SMC5: variants seen among roughly 807,000 people sequenced by gnomAD.
The protein encoded by SMC5 is structural maintenance of chromosomes protein 5.
A neutral mutation model predicts 148.3 loss-of-function variants in SMC5; 88 were observed. That is an observed-to-expected ratio of 0.59 (90% CI 0.50 to 0.71). SMC5 has a LOEUF of 0.71. SMC5 is among the 30% of genes least tolerant of loss of function. The pLI is 0.00. For missense variants in SMC5, 1,142 were observed against 1,298.9 expected, an observed-to-expected ratio of 0.88 and a Z score of 1.86; for synonymous variants, 421 against 432.8, an observed-to-expected ratio of 0.97 and a Z score of 0.34.
chr9:70,278,734 A>T (rs1016545297), intron 5 of SMC5, 109 bp downstream of exon 5: 1 of 1,113,876 alleles, frequency 9.0e-7, no homozygotes, highest in Non-Finnish European at 1.2e-6. Flanking sequence ...CGTATTTGTG[A>T]TTTTTTTTCA....
intron 24 of SMC5, 144 bp from the exon 25 acceptor site, chr9:70,352,047 C>A: frequency 4.5e-6 from 3 of 673,926 alleles, no homozygotes; most frequent in South Asian, 2.8e-5. Context: ...CACCTCTGTA[C>A]TCCGGCCTGA....
intron 18 of SMC5, among the ~76,000 whole-genome samples, chr9:70,345,062 T>C (rs1009777214): frequency 2.6e-5 from 4 of 152,172 alleles, no homozygotes; most frequent in Non-Finnish European, 5.9e-5. Flanking sequence ...ATTGGATACA[T>C]ACTAGGAACT....
intron 8 of SMC5, among the ~76,000 whole-genome samples, chr9:70,294,093 G>T (rs2035135128): frequency 6.6e-6 from 1 of 152,144 alleles, no homozygotes; most frequent in Non-Finnish European, 1.5e-5. Context: ...GAGTAAGGAT[G>T]TAGGTAAAGT....
intron 11 of SMC5, among the ~76,000 whole-genome samples, chr9:70,308,737 A>T (rs1297365086): frequency 6.7e-6 from 1 of 150,318 alleles, no homozygotes; most frequent in Non-Finnish European, 1.5e-5. Flanking sequence ...TTAAATGTGT[A>T]TTTCACTGTC....
rs2036841190 is a variant in SMC5 at position 70,353,138 on chromosome 9, A to G, written c.*807A>G. On this transcript the variant is annotated 3_prime_UTR_variant, in exon 25 of 25. Transcript: ENST00000361138. Reference sequence around the variant, plus strand: ...AAGTCAATTATATTTTACATCTTACATTTCTAAAAGCATTTTATAATTATT... The same window carrying G: ...AAGTCAATTATATTTTACATCTTACGTTTCTAAAAGCATTTTATAATTATT... 1 of 152,194 alleles carries G rather than the reference A, an allele frequency of 6.6e-6. No homozygotes were observed. The highest frequency in any genetic ancestry group is 1.9e-4 in the East Asian group (1 of 5,188). 9.4% of individuals were successfully genotyped at this position (152,194 alleles called of 1,614,324 possible). A position where few individuals can be genotyped will look rare whatever the true frequency, so the allele number is the denominator to read the frequency against.
intron 2 of SMC5, among the ~76,000 whole-genome samples, chr9:70,267,649 G>C (rs2034325950): frequency 6.6e-6 from 1 of 152,224 alleles, no homozygotes; most frequent in Non-Finnish European, 1.5e-5. Context: ...TCGTTTTTCT[G>C]GCACTTACTG....
Position 70,264,340 on chromosome 9 carries a change from C to G in SMC5, c.222C>G (p.His74Gln), listed in dbSNP as rs753210977. 9.3e-6 allele frequency: 15 copies of G among 1,613,814 alleles called. No individual in the cohort carries two copies. In the Admixed American group the frequency reaches 2.5e-4, roughly 27 times the overall value. Residue 74 changes from histidine (H) to glutamine (Q), a missense_variant, in exon 2 of 25, where the codon CAC becomes CAG. Physicochemically the swap from His to Gln is conservative, Grantham distance 24. Transcript: ENST00000361138. ...YDICEVSPGP[H>Q]LNMIVGANGT... Reference sequence around the variant, plus strand: ...TTTGTGAAGTATCTCCTGGACCCCACTTGAATATGATCGTTGGAGCCAATG... The same window carrying G: ...TTTGTGAAGTATCTCCTGGACCCCAGTTGAATATGATCGTTGGAGCCAATG...
chr9:70,349,098 T>C (rs2036741398), intron 22 of SMC5, among the ~76,000 whole-genome samples: 1 of 152,226 alleles, frequency 6.6e-6, no homozygotes, highest in Admixed American at 6.5e-5. Context: ...AGACAAAGTC[T>C]CACTCTCACC....
intron 17 of SMC5, among the ~76,000 whole-genome samples, chr9:70,339,157 C>T (rs1189084963): frequency 2.0e-5 from 3 of 151,982 alleles, no homozygotes; most frequent in Non-Finnish European, 4.4e-5. Context: ...GGGCTGGGCA[C>T]GGTGGCTCAC....
chr9:70,320,108 A>G (rs1314768814), intron 15 of SMC5, among the ~76,000 whole-genome samples: 2 of 152,212 alleles, frequency 1.3e-5, no homozygotes, highest in African/African-American at 2.4e-5. Flanking sequence ...GTATTCCATG[A>G]AAAAAATGTC....
At chr9:70,294,546 G>A (rs935362091) in intron 8 of SMC5, among the ~76,000 whole-genome samples, 4 of 152,200 alleles carry the variant, frequency 2.6e-5, no homozygotes, top group Non-Finnish European at 5.9e-5. Context: ...TAAAAAGGTA[G>A]TGGGGTTAAT....
chr9:70,319,216 A>C (rs2035887482), intron 15 of SMC5, among the ~76,000 whole-genome samples: 1 of 152,194 alleles, frequency 6.6e-6, no homozygotes. Flanking sequence ...GACCTTGAAG[A>C]GGTTTTGTTT....
chr9:70,276,018 C>T (rs1587627933), intron 3 of SMC5, among the ~76,000 whole-genome samples: 1 of 152,194 alleles, frequency 6.6e-6, no homozygotes, highest in African/African-American at 2.4e-5. Context: ...TAGCGAACTA[C>T]TCTTCTTAGA....
rs1238700452 is a variant in SMC5, at chr9:70,344,131, AT to A, written c.2398-6del. 7.5e-6 allele frequency: 11 copies of A among 1,465,846 alleles called. No homozygotes were observed. The highest frequency in any genetic ancestry group is 4.3e-5 in the African/African-American group (3 of 69,338). The allele number at this position is 1,465,846 out of a possible 1,614,324, so 90.8% of individuals were successfully genotyped here. ...ATTAACATTCAAATTTTCAAAATAAATTTTTTTAATAGCAACATTTCATTGA... is the reference window on the plus strand; with the variant it reads ...ATTAACATTCAAATTTTCAAAATAAATTTTTTAATAGCAACATTTCATTGA... On this transcript the variant is annotated splice_polypyrimidine_tract_variant and intron_variant, in intron 17 of 24. Coordinates refer to ENST00000361138, the MANE Select transcript of SMC5 (RefSeq NM_015110.4).
At chr9:70,312,533 A>G (rs563962638) in intron 11 of SMC5, among the ~76,000 whole-genome samples, 9 of 152,180 alleles carry the variant, frequency 5.9e-5, no homozygotes, top group Non-Finnish European at 1.2e-4. Context: ...AAAGCACTTA[A>G]TGTTTCATCA....
chr9:70,302,654 G>A (rs1319151700), intron 10 of SMC5, among the ~76,000 whole-genome samples: 1 of 152,016 alleles, frequency 6.6e-6, no homozygotes, highest in East Asian at 1.9e-4. Flanking sequence ...TGGGTGACAG[G>A]ATGAGACTCC....
intron 1 of SMC5, among the ~76,000 whole-genome samples, chr9:70,263,546 G>A (rs187162058): frequency 5.3e-4 from 81 of 152,286 alleles, no homozygotes; most frequent in African/African-American, 1.8e-3. Flanking sequence ...ATTCAAAGGC[G>A]AGTTAAAAGA....
chr9:70,286,611 T>C (rs2118241355), intron 8 of SMC5: 1 of 181,532 alleles, frequency 5.5e-6, no homozygotes, highest in South Asian at 1.7e-4. Flanking sequence ...ATAGACCTTT[T>C]ATTTTGAAAA....
In SMC5 at chr9:70,318,431, T is replaced by C. The variant is rs2035864720; in HGVS notation, c.1807-83T>C. The C allele has an allele frequency of 5.2e-6, 6 of 1,149,680 alleles. No individual in the cohort carries two copies. The East Asian group carries it at 1.6e-4, about 31-fold the overall frequency. 71.2% of individuals were successfully genotyped at this position (1,149,680 alleles called of 1,614,324 possible). A position where few individuals can be genotyped will look rare whatever the true frequency, so the allele number is the denominator to read the frequency against. On this transcript the variant is annotated intron_variant, in intron 13 of 24. Transcript: ENST00000361138. ...CTCGTATATTTTGATCTTCCAAAAT[T>C]CACTTGGTCTGTATTTCTAATTTAG... is the stretch of plus-strand genomic sequence containing the variant.
Sources: allele counts gnomAD v4.1 joint callset (sites outside exome capture counted in the v4.1 genomes callset), GRCh38; gene constraint gnomAD v4.1.1; transcripts MANE v1.5; gene names NCBI Gene and HGNC (gene_info 2026-07-23, HGNC 2026-07-21).